Variants in ACYP2 observed in about 807,000 individuals in gnomAD.
The protein encoded by ACYP2 is acylphosphatase 2.
ACYP2 carries 12 observed loss-of-function variants against 11.2 expected under a neutral mutation model. The ratio of observed to expected loss-of-function variants is 1.08; its 90% confidence interval spans 0.69 to 1.74. ACYP2 has a LOEUF of 1.74. ACYP2 is among the 40% of genes most tolerant of loss of function. ACYP2 has a pLI of 0.00. For synonymous variants in ACYP2, 43 were observed against 32.2 expected (o/e 1.33, Z -1.13); for missense variants, 134 against 101.9 (o/e 1.31, Z -1.35).
intron 2 of ACYP2, among the ~76,000 whole-genome samples, chr2:54,011,460 A>T (rs1271810721): frequency 2.6e-5 from 4 of 152,214 alleles, no homozygotes; most frequent in African/African-American, 9.6e-5. Flanking sequence ...TTCCTCCATG[A>T]ATACACAGCA....
chr2:54,203,454 A>C (rs1037832589), intron 6 of ACYP2, among the ~76,000 whole-genome samples: 2 of 152,136 alleles, frequency 1.3e-5, no homozygotes, highest in Non-Finnish European at 2.9e-5. Flanking sequence ...AATGACTTTT[A>C]TTTCTTTTTC....
chr2:53,983,875 G>A (rs1671883351), intron 2 of ACYP2, among the ~76,000 whole-genome samples: 1 of 152,132 alleles, frequency 6.6e-6, no homozygotes, highest in Non-Finnish European at 1.5e-5. Flanking sequence ...GAAACAATGA[G>A]TACAATGTGA....
At chr2:53,984,301 G>C (rs190619489) in intron 2 of ACYP2, among the ~76,000 whole-genome samples, 135 of 152,272 alleles carry the variant, frequency 8.9e-4, no homozygotes, top group Middle Eastern at 3.4e-3. Flanking sequence ...ATTCTGGCCA[G>C]GCGAGGCAGC....
chr2:54,292,616 G>C (rs553578558), intron 6 of ACYP2, among the ~76,000 whole-genome samples: 2 of 151,434 alleles, frequency 1.3e-5, no homozygotes, highest in Non-Finnish European at 2.9e-5. Flanking sequence ...AGCCAGTTTT[G>C]CATCTATTAA....
At chr2:54,113,814 T>C (rs1436143880) in intron 4 of ACYP2, among the ~76,000 whole-genome samples, 1 of 151,974 alleles carries the variant, frequency 6.6e-6, no homozygotes, top group Non-Finnish European at 1.5e-5. Context: ...GTCTTGACTA[T>C]AGTTTAAATG....
At chr2:54,128,005 A>G (rs1243021137) in intron 4 of ACYP2, among the ~76,000 whole-genome samples, 1 of 152,172 alleles carries the variant, frequency 6.6e-6, no homozygotes, top group African/African-American at 2.4e-5. Flanking sequence ...AGTTGAATCC[A>G]TTTTCTTTTG....
At chr2:54,009,467 G>C (rs988871097) in intron 2 of ACYP2, among the ~76,000 whole-genome samples, 5 of 151,894 alleles carry the variant, frequency 3.3e-5, no homozygotes, top group Non-Finnish European at 7.4e-5. Context: ...CCAGCTACTT[G>C]GGAGGCTGAG....
intron 6 of ACYP2, among the ~76,000 whole-genome samples, chr2:54,239,341 G>C (rs1262881437): frequency 6.6e-6 from 1 of 152,174 alleles, no homozygotes; most frequent in Non-Finnish European, 1.5e-5. Flanking sequence ...GACCAAGAAT[G>C]GCCTCTGTCT....
chr2:54,099,688 C>G (rs892530222), intron 4 of ACYP2, among the ~76,000 whole-genome samples: 1 of 152,096 alleles, frequency 6.6e-6, no homozygotes, highest in Non-Finnish European at 1.5e-5. Flanking sequence ...GATGGACACT[C>G]AGGTCCATAT....
intron 2 of ACYP2, among the ~76,000 whole-genome samples, chr2:53,982,931 A>G (rs1246166968): frequency 2.0e-5 from 3 of 151,878 alleles, no homozygotes; most frequent in Non-Finnish European, 2.9e-5. Flanking sequence ...TGAACAACCT[A>G]TAAGTTAGCA....
chr2:54,101,491 A>C (rs1678888626), intron 4 of ACYP2, among the ~76,000 whole-genome samples: 1 of 152,090 alleles, frequency 6.6e-6, no homozygotes. Context: ...CAACATGGTG[A>C]AACCCCGTCT....
intron 4 of ACYP2, among the ~76,000 whole-genome samples, chr2:54,104,217 A>G (rs1437819664): frequency 6.6e-6 from 1 of 152,240 alleles, no homozygotes; most frequent in Non-Finnish European, 1.5e-5. Flanking sequence ...GGACAAGAGT[A>G]CATTGATGCA....
intron 4 of ACYP2, among the ~76,000 whole-genome samples, chr2:54,064,054 G>A (rs949268586): frequency 6.6e-6 from 1 of 151,918 alleles, no homozygotes; most frequent in Non-Finnish European, 1.5e-5. Context: ...CGCTATTGTT[G>A]CCCTTGTTAG....
intron 4 of ACYP2, among the ~76,000 whole-genome samples, chr2:54,093,211 A>G (rs1288309586): frequency 6.6e-6 from 1 of 152,212 alleles, no homozygotes; most frequent in African/African-American, 2.4e-5. Context: ...CCTTCACAGG[A>G]GGAAGTCAGC....
intron 6 of ACYP2, among the ~76,000 whole-genome samples, chr2:54,160,307 T>A (rs1164143928): frequency 6.6e-6 from 1 of 152,164 alleles, no homozygotes; most frequent in Non-Finnish European, 1.5e-5. Context: ...TTCCTTTTTA[T>A]CTGGAAAGCA....
In ACYP2 at chr2:54,251,495, T is replaced by C. The variant is rs546688781; in HGVS notation, c.405-53193T>C. Among the ~76,000 whole-genome samples, 164 of 152,328 alleles carry C rather than the reference T, an allele frequency of 1.1e-3. 1 individual carries two copies. Among genetic ancestry groups the C allele is most frequent in the South Asian group, 0.01 (50 of 4,832 alleles). ...AGTTTCACAAGTTGAATATACTTAC[T>C]TATCCAGCACCCAGATCAAGACACA... On this transcript the variant is annotated intron_variant, in intron 6 of 6. Transcript: ENST00000607452.
chr2:54,015,301 C>T (rs1383487777), intron 2 of ACYP2, among the ~76,000 whole-genome samples: 5 of 139,870 alleles, frequency 3.6e-5, no homozygotes, highest in Non-Finnish European at 6.2e-5. Flanking sequence ...CATGTGAGGA[C>T]GGGAGTTCAA....
chr2:54,168,288 G>C (rs149072827), intron 6 of ACYP2, among the ~76,000 whole-genome samples: 2 of 151,904 alleles, frequency 1.3e-5, no homozygotes, highest in African/African-American at 4.8e-5. Flanking sequence ...TCACCCAGGC[G>C]TGGTGGTACA....
chr2:54,159,827 G>A (rs1285266220), intron 6 of ACYP2, among the ~76,000 whole-genome samples: 2 of 152,082 alleles, frequency 1.3e-5, no homozygotes, highest in East Asian at 3.9e-4. Flanking sequence ...AGGCTTTTCT[G>A]TCCTCTGCCA....
Sources: gnomAD v4.1 joint callset for allele counts (sites outside exome capture counted in the v4.1 genomes callset) on GRCh38, gnomAD v4.1.1 for gene constraint, MANE v1.5 for transcripts, NCBI Gene and HGNC (gene_info 2026-07-23, HGNC 2026-07-21) for gene names.